LRP1B: variants seen among roughly 807,000 people sequenced by gnomAD.
The protein encoded by LRP1B is LDL receptor related protein 1B.
A neutral mutation model predicts 556.6 loss-of-function variants in LRP1B; 217 were observed. The ratio of observed to expected loss-of-function variants is 0.39; its 90% CI spans 0.35 to 0.44. LRP1B has a LOEUF of 0.44. Ranked by LOEUF, LRP1B falls within the 20% of genes least tolerant of loss-of-function variation. The pLI is 1.00. For synonymous variants in LRP1B, 2,047 were observed against 1,865.8 expected, an observed-to-expected ratio of 1.10 and a Z score of -2.50; for missense variants, 5,053 against 5,620.8, an observed-to-expected ratio of 0.90 and a Z score of 3.23.
intron 6 of LRP1B, among the ~76,000 whole-genome samples, chr2:141,220,765 T>C (rs1683003640): frequency 8.5e-6 from 1 of 117,368 alleles, no homozygotes; most frequent in African/African-American, 2.8e-5. Context: ...ATATTCAACA[T>C]TCTTAAAAAA....
intron 11 of LRP1B, among the ~76,000 whole-genome samples, chr2:141,038,723 C>T (rs965810884): frequency 6.6e-6 from 1 of 152,016 alleles, no homozygotes; most frequent in African/African-American, 2.4e-5. Context: ...ATTAACTAAC[C>T]TAAGCAATAG....
chr2:140,366,788 T>C (rs1337589772), intron 71 of LRP1B, among the ~76,000 whole-genome samples: 1 of 151,740 alleles, frequency 6.6e-6, no homozygotes, highest in Non-Finnish European at 1.5e-5. Flanking sequence ...TGCCAACGTA[T>C]CTTTCCAGAA....
At chr2:141,644,939 G>A (rs1689497197) in intron 2 of LRP1B, among the ~76,000 whole-genome samples, 1 of 151,996 alleles carries the variant, frequency 6.6e-6, no homozygotes, top group African/African-American at 2.4e-5. Flanking sequence ...AACCTTGGCT[G>A]GAAGGAAAGA....
chr2:141,049,292 C>T (rs1023383251), intron 10 of LRP1B, 70 bp from the exon 11 acceptor site: 2 of 952,230 alleles, frequency 2.1e-6, no homozygotes, highest in Non-Finnish European at 3.3e-6. Context: ...ATAATGCCAC[C>T]GTTTAACTGG....
chr2:141,437,128 T>C (rs1490727740), intron 3 of LRP1B, among the ~76,000 whole-genome samples: 2 of 152,098 alleles, frequency 1.3e-5, no homozygotes, highest in African/African-American at 2.4e-5. Context: ...TGGCTAAGCA[T>C]AAGAAGAGTA....
At chr2:142,104,577 A>G (rs1408505305) in intron 1 of LRP1B, among the ~76,000 whole-genome samples, 1 of 152,162 alleles carries the variant, frequency 6.6e-6, no homozygotes, top group Non-Finnish European at 1.5e-5. Flanking sequence ...GATACAATGC[A>G]GAATCATAAA....
At chr2:141,722,710 AT>A (rs1398776690) in intron 2 of LRP1B, among the ~76,000 whole-genome samples, 5 of 149,814 alleles carry the variant, frequency 3.3e-5, no homozygotes, top group Middle Eastern at 3.2e-3. Context: ...TATAAGACAG[AT>A]AGACAGGCAG....
intron 2 of LRP1B, among the ~76,000 whole-genome samples, chr2:141,537,413 T>C (rs918891947): frequency 3.3e-5 from 5 of 152,158 alleles, no homozygotes; most frequent in African/African-American, 1.2e-4. Flanking sequence ...ATAGATTTTA[T>C]TGGCTTTTGA....
chr2:140,239,302 A>G (rs148196784), intron 88 of LRP1B, 140 bp downstream of exon 88: 8,284 of 528,458 alleles, frequency 0.016, 108 homozygotes, highest in Middle Eastern at 0.021. Flanking sequence ...AAAGAGAGGT[A>G]TAAAATGATT....
intron 84 of LRP1B, among the ~76,000 whole-genome samples, chr2:140,285,494 T>C (rs1397853815): frequency 6.6e-6 from 1 of 151,508 alleles, no homozygotes; most frequent in Non-Finnish European, 1.5e-5. Context: ...ACTAAAATAT[T>C]GAGAGTCACC....
chr2:140,870,911 A>T (rs1157486052), intron 25 of LRP1B, among the ~76,000 whole-genome samples: 3 of 152,152 alleles, frequency 2.0e-5, no homozygotes, highest in African/African-American at 7.2e-5. Context: ...TCTATTTTTG[A>T]AAAGAATATA....
chr2:140,584,128 T>C (rs1185793863), intron 43 of LRP1B, among the ~76,000 whole-genome samples: 1 of 152,134 alleles, frequency 6.6e-6, no homozygotes, highest in East Asian at 1.9e-4. Context: ...AATAAATTCA[T>C]GTTAGTTTTC....
chr2:140,995,447 G>A (rs1482450610), intron 15 of LRP1B, among the ~76,000 whole-genome samples: 1 of 151,966 alleles, frequency 6.6e-6, no homozygotes, highest in African/African-American at 2.4e-5. Flanking sequence ...AAACAACACT[G>A]ATCAAAGTAA....
At chr2:140,364,030 T>C (rs1682639507) in intron 72 of LRP1B, among the ~76,000 whole-genome samples, 2 of 151,672 alleles carry the variant, frequency 1.3e-5, no homozygotes, top group Non-Finnish European at 3.0e-5. Flanking sequence ...TAGACTTTTA[T>C]ATTTGTTGGT....
At chr2:140,333,704 G>A (rs1270964893) in intron 79 of LRP1B, among the ~76,000 whole-genome samples, 1 of 152,050 alleles carries the variant, frequency 6.6e-6, no homozygotes, top group Non-Finnish European at 1.5e-5. Flanking sequence ...AGTCGGTGGA[G>A]GGTAGGTGGC....
intron 27 of LRP1B, among the ~76,000 whole-genome samples, chr2:140,864,000 C>T (rs1185882886): frequency 6.6e-6 from 1 of 151,612 alleles, no homozygotes; most frequent in Non-Finnish European, 1.5e-5. Flanking sequence ...TTGCAGAATG[C>T]AGTGAGTAAA....
chr2:141,353,837 T>G (rs558589610), intron 3 of LRP1B, among the ~76,000 whole-genome samples: 1 of 152,120 alleles, frequency 6.6e-6, no homozygotes, highest in African/African-American at 2.4e-5. Flanking sequence ...CATCATTCAT[T>G]GATTCACTAT....
chr2:141,142,537 T>C (rs568216153), intron 7 of LRP1B, among the ~76,000 whole-genome samples: 6 of 152,184 alleles, frequency 3.9e-5, no homozygotes, highest in Non-Finnish European at 8.8e-5. Flanking sequence ...GTTGTTAAGA[T>C]ATAAAGTAGA....
chr2:140,972,198 C>T (rs1696446015), intron 18 of LRP1B, among the ~76,000 whole-genome samples: 1 of 152,030 alleles, frequency 6.6e-6, no homozygotes, highest in African/African-American at 2.4e-5. Flanking sequence ...AACAAGAAGA[C>T]AACTTAGCAG....
Sources: gnomAD v4.1 joint callset for allele counts (sites outside exome capture counted in the v4.1 genomes callset) on GRCh38, gnomAD v4.1.1 for gene constraint, MANE v1.5 for transcripts, NCBI Gene and HGNC (gene_info 2026-07-23, HGNC 2026-07-21) for gene names.